The following PSMD1 variants were observed in gnomAD, a reference collection of about 807,000 sequenced individuals.
The protein encoded by PSMD1 is proteasome 26S subunit, non-ATPase 1, also known as 26S proteasome non-ATPase regulatory subunit 1.
In PSMD1, 18 loss-of-function variants were observed where a neutral mutation model predicts 119.0. That is an observed-to-expected ratio of 0.15 (90% CI 0.10 to 0.22). The LOEUF is 0.22. PSMD1 is among the 10% of genes least tolerant of loss of function. The pLI, the probability that PSMD1 is intolerant of heterozygous loss-of-function variation, is 1.00. For synonymous variants in PSMD1, 374 were observed against 396.6 expected, an observed-to-expected ratio of 0.94 and a Z score of 0.68; for missense variants, 702 against 1,158.5, an observed-to-expected ratio of 0.61 and a Z score of 5.72.
rs986137373 is a variant in PSMD1, at chr2:231,056,956, C to G, written c.-70C>G. 7.2e-6 allele frequency: 11 copies of G among 1,535,502 alleles called. No individual in the cohort carries two copies. Among genetic ancestry groups the G allele is most frequent in the Non-Finnish European group, 9.6e-6 (11 of 1,141,638 alleles). ...AAGGAGGCGCGGTGAACTGAGCGGC[C>G]CCTGAGCTGACAGATACACTGCGCA... On this transcript the variant is annotated 5_prime_UTR_variant, in exon 1 of 25. Transcript: ENST00000308696.
At chr2:231,109,154 C>T (rs1013960844) in intron 16 of PSMD1, 4 of 1,614,168 alleles carry the variant, frequency 2.5e-6, no homozygotes, top group Non-Finnish European at 3.4e-6. Context: ...TGTTTCATCC[C>T]TTTGGAAAAC....
At chr2:231,128,929 ATTTT>A (rs200010775) in intron 16 of PSMD1, among the ~76,000 whole-genome samples, 1 of 151,740 alleles carries the variant, frequency 6.6e-6, no homozygotes, top group African/African-American at 2.4e-5. Context: ...AAAGAATAAG[ATTTT>A]TTTTTGTCAT....
chr2:231,120,851 T>C (rs1291602739), intron 16 of PSMD1, among the ~76,000 whole-genome samples: 1 of 152,234 alleles, frequency 6.6e-6, no homozygotes, highest in East Asian at 1.9e-4. Flanking sequence ...AGATTAACAC[T>C]ACAATAAGAG....
At chr2:231,164,254 T>A (rs568198332) in intron 21 of PSMD1, among the ~76,000 whole-genome samples, 1 of 152,322 alleles carries the variant, frequency 6.6e-6, no homozygotes, top group East Asian at 1.9e-4. Flanking sequence ...TAGGTTAGAA[T>A]CCTGGATGTC....
At chr2:231,118,542 T>C (rs577921274) in intron 16 of PSMD1, among the ~76,000 whole-genome samples, 88 of 152,340 alleles carry the variant, frequency 5.8e-4, no homozygotes, top group African/African-American at 2.0e-3. Flanking sequence ...GAAAATAACC[T>C]GTATGCATTG....
chr2:231,109,877 A>G (rs1235253805), intron 16 of PSMD1, among the ~76,000 whole-genome samples: 2 of 152,224 alleles, frequency 1.3e-5, no homozygotes, highest in Non-Finnish European at 2.9e-5. Context: ...TTCATTTAAC[A>G]GTTTTTCCTT....
At chr2:231,094,147 C>T (rs193296514) in intron 16 of PSMD1, among the ~76,000 whole-genome samples, 6 of 152,072 alleles carry the variant, frequency 3.9e-5, no homozygotes, top group Admixed American at 3.3e-4. Flanking sequence ...GGGGCGGTGC[C>T]GTCCTCTAGG....
At chr2:231,066,731 C>T (rs965367726) in intron 4 of PSMD1, among the ~76,000 whole-genome samples, 175 bp from the exon 5 acceptor site, 1 of 151,478 alleles carries the variant, frequency 6.6e-6, no homozygotes, top group African/African-American at 2.4e-5. Context: ...GTGTAGTTCT[C>T]CGGTGTAAAT....
intron 16 of PSMD1, chr2:231,109,304 A>G (rs951925666): frequency 1.9e-6 from 3 of 1,614,154 alleles, no homozygotes; most frequent in Non-Finnish European, 2.5e-6. Flanking sequence ...CAGTGAGCCA[A>G]AGAGCATGAA....
intron 16 of PSMD1, chr2:231,123,746 C>T (rs189218498): frequency 1.9e-6 from 3 of 1,613,804 alleles, no homozygotes; most frequent in Non-Finnish European, 2.5e-6. Flanking sequence ...AGTTCAGACA[C>T]TCTGTAAGAG....
At chr2:231,099,163 G>A (rs1013141090) in intron 16 of PSMD1, among the ~76,000 whole-genome samples, 3 of 152,154 alleles carry the variant, frequency 2.0e-5, no homozygotes, top group African/African-American at 7.2e-5. Context: ...GGGTTAGATA[G>A]TCTAAGGGAT....
intron 18 of PSMD1, 69 bp from the exon 19 acceptor site, chr2:231,153,495 A>G (rs1465559330): frequency 9.3e-7 from 1 of 1,075,998 alleles, no homozygotes; most frequent in Non-Finnish European, 1.4e-6. Context: ...GAGCAATATT[A>G]TTCCCTGTTC....
intron 16 of PSMD1, chr2:231,109,230 G>A: frequency 6.2e-7 from 1 of 1,614,176 alleles, no homozygotes; most frequent in Non-Finnish European, 8.5e-7. Context: ...GCCTTCTTCT[G>A]TAAAGCATGG....
At chr2:231,068,911 G>A (rs933626970) in intron 5 of PSMD1, among the ~76,000 whole-genome samples, 1 of 152,182 alleles carries the variant, frequency 6.6e-6, no homozygotes, top group African/African-American at 2.4e-5. Context: ...CTGAGGCTGC[G>A]CTGAGATGTA....
At chr2:231,087,565 G>A (rs952788962) in intron 16 of PSMD1, among the ~76,000 whole-genome samples, 1 of 152,192 alleles carries the variant, frequency 6.6e-6, no homozygotes, top group African/African-American at 2.4e-5. Flanking sequence ...GAAAGTGAAA[G>A]GTAATAGGTT....
chr2:231,070,632 A>G (rs1332149752), intron 6 of PSMD1, among the ~76,000 whole-genome samples: 1 of 152,104 alleles, frequency 6.6e-6, no homozygotes, highest in Non-Finnish European at 1.5e-5. Context: ...ATAAAAAAAA[A>G]TTCAGATGGT....
At chr2:231,123,615 C>T (rs1207177027) in intron 16 of PSMD1, 2 of 1,614,026 alleles carry the variant, frequency 1.2e-6, no homozygotes, top group Admixed American at 1.7e-5. Flanking sequence ...GTTTATTTCC[C>T]TGTTCCTCAA....
intron 19 of PSMD1, among the ~76,000 whole-genome samples, chr2:231,153,987 CCTGT>C (rs763062871): frequency 6.6e-6 from 1 of 151,974 alleles, no homozygotes; most frequent in Non-Finnish European, 1.5e-5. Flanking sequence ...GTGGCACATG[CCTGT>C]AATCCTAGCT....
At chr2:231,126,210 G>T (rs1695714820) in intron 16 of PSMD1, among the ~76,000 whole-genome samples, 1 of 152,050 alleles carries the variant, frequency 6.6e-6, no homozygotes, top group Non-Finnish European at 1.5e-5. Context: ...ACCAGCTTGG[G>T]CAACATGGCA....
Sources: gnomAD v4.1 joint callset for allele counts (sites outside exome capture counted in the v4.1 genomes callset) on GRCh38, gnomAD v4.1.1 for gene constraint, MANE v1.5 for transcripts, NCBI Gene and HGNC (gene_info 2026-07-23, HGNC 2026-07-21) for gene names.